Variants in MICAL2 observed in about 807,000 individuals in gnomAD.
MICAL2 encodes microtubule associated monooxygenase, calponin and LIM domain containing 2, also known as [F-actin]-monooxygenase MICAL2.
MICAL2 carries 77 observed loss-of-function variants against 127.3 expected under a neutral mutation model. The observed-to-expected ratio is 0.60, with a 90% CI of 0.50 to 0.73. The LOEUF is 0.73. MICAL2 is among the 30% of genes least tolerant of loss of function. MICAL2 has a pLI of 0.00. For missense variants in MICAL2, 1,351 were observed against 1,434.4 expected (o/e 0.94, Z 0.94); for synonymous variants, 570 against 551.1 (o/e 1.03, Z -0.48).
chr11:12,227,260 T>G, intron 15 of MICAL2, 129 bp downstream of exon 15: 1 of 662,874 alleles, frequency 1.5e-6, no homozygotes, highest in Non-Finnish European at 2.6e-6. Context: ...CGGAAGATGC[T>G]AGTAAAACTC....
At chr11:12,233,712 CATT>C (rs1351529534) in intron 15 of MICAL2, among the ~76,000 whole-genome samples, 2 of 152,100 alleles carry the variant, frequency 1.3e-5, no homozygotes, top group Non-Finnish European at 2.9e-5. Context: ...GAGCTGGAAA[CATT>C]AATGGGAAAA....
intron 29 of MICAL2, among the ~76,000 whole-genome samples, chr11:12,317,930 T>C (rs1864249096): frequency 6.6e-6 from 1 of 152,222 alleles, no homozygotes; most frequent in African/African-American, 2.4e-5. Flanking sequence ...TTCTCCTCAA[T>C]TTCAAAAGAA....
At chr11:12,277,187 G>A (rs1404415766) in intron 1 of MICAL2, among the ~76,000 whole-genome samples, 1 of 152,014 alleles carries the variant, frequency 6.6e-6, no homozygotes, top group Non-Finnish European at 1.5e-5. Flanking sequence ...GTGTCAGCTG[G>A]GGTGACAGAG....
At position 12,168,099 on chromosome 11, in the gene MICAL2, C is replaced by T. The variant is rs142101936; in HGVS notation, c.264+5680C>T. ...GGAGGAATGCTCAGGGCCAGGAGTTCGAAACCAAATTGGGCGACATAGTGA... is the reference window on the plus strand; with the variant it reads ...GGAGGAATGCTCAGGGCCAGGAGTTTGAAACCAAATTGGGCGACATAGTGA... On this transcript the variant is annotated intron_variant, in intron 3 of 27. Coordinates refer to ENST00000683283, the MANE Select transcript of MICAL2 (RefSeq NM_001282663.2). 2.2e-3 allele frequency among the ~76,000 whole-genome samples: 330 copies of T among 151,060 alleles called. 1 individual carries two copies. The highest frequency in any genetic ancestry group is 7.8e-3 in the African/African-American group (321 of 41,204).
intron 2 of MICAL2, among the ~76,000 whole-genome samples, chr11:12,141,224 G>A (rs56298816): frequency 0.05 from 7,669 of 152,270 alleles, 397 homozygotes; most frequent in African/African-American, 0.13. Context: ...AGAGAGCCAT[G>A]TTCTAGTGTT....
intron 15 of MICAL2, among the ~76,000 whole-genome samples, chr11:12,227,948 G>A (rs116902828): frequency 0.027 from 4,067 of 152,316 alleles, 86 homozygotes; most frequent in Middle Eastern, 0.054. Flanking sequence ...ACATGCCTAA[G>A]GAGCAGTGAC....
intron 16 of MICAL2, 117 bp from the exon 17 acceptor site, chr11:12,239,319 G>A: frequency 7.1e-7 from 1 of 1,407,400 alleles, no homozygotes; most frequent in South Asian, 1.2e-5. Flanking sequence ...CCCTTCCTCA[G>A]ACCATGGAGG....
intron 3 of MICAL2, among the ~76,000 whole-genome samples, chr11:12,167,501 G>C (rs1855655905): frequency 6.6e-6 from 1 of 152,156 alleles, no homozygotes; most frequent in South Asian, 2.1e-4. Flanking sequence ...CGGGAGCAAA[G>C]ACTGCTACCC....
At chr11:12,214,065 G>A (rs745653125) in intron 7 of MICAL2, among the ~76,000 whole-genome samples, 16 of 152,076 alleles carry the variant, frequency 1.1e-4, no homozygotes, top group East Asian at 3.8e-4. Flanking sequence ...AACAAAATCC[G>A]TCCCTCCTGG....
At chr11:12,179,928 C>T (rs1688312914) in intron 3 of MICAL2, among the ~76,000 whole-genome samples, 1 of 152,236 alleles carries the variant, frequency 6.6e-6, no homozygotes, top group Admixed American at 6.5e-5. Flanking sequence ...CAGCCCCTTC[C>T]CTTTAAGCAG....
intron 26 of MICAL2, 129 bp downstream of exon 26, chr11:12,260,026 T>C (rs1185980865): frequency 6.5e-7 from 1 of 1,547,238 alleles, no homozygotes; most frequent in Admixed American, 2.0e-5. Context: ...TTACAACTAC[T>C]GCTACATGTA....
At chr11:12,139,484 GGGCGGAGGCTCC>G (rs1342626107) in intron 2 of MICAL2, among the ~76,000 whole-genome samples, 1 of 152,200 alleles carries the variant, frequency 6.6e-6, no homozygotes, top group Non-Finnish European at 1.5e-5. Flanking sequence ...GCTGGGGCAT[GGGCGGAGGCTCC>G]GGCGGAGGGG....
chr11:12,329,625 C>T (rs1388035012), intron 32 of MICAL2, among the ~76,000 whole-genome samples: 1 of 151,928 alleles, frequency 6.6e-6, no homozygotes, highest in African/African-American at 2.4e-5. Context: ...GATAATAATC[C>T]CCATATTATC....
At chr11:12,309,311 A>G (rs1485188723) in intron 29 of MICAL2, among the ~76,000 whole-genome samples, 2 of 152,124 alleles carry the variant, frequency 1.3e-5, no homozygotes, top group Non-Finnish European at 2.9e-5. Flanking sequence ...TGTACCCATT[A>G]CCCAGCTTCC....
intron 1 of MICAL2, among the ~76,000 whole-genome samples, chr11:12,129,803 G>A (rs1297145455): frequency 1.3e-5 from 2 of 151,836 alleles, no homozygotes; most frequent in East Asian, 3.9e-4. Context: ...AACCTCCTGG[G>A]CCCAGATGAT....
At chr11:12,262,607 C>A in intron 27 of MICAL2, 70 bp downstream of exon 27, 1 of 1,295,488 alleles carries the variant, frequency 7.7e-7, no homozygotes, top group Non-Finnish European at 1.1e-6. Context: ...ACCCCGTCCT[C>A]TCCGCCAGCA....
intron 29 of MICAL2, among the ~76,000 whole-genome samples, chr11:12,312,635 A>T (rs1864187151): frequency 6.6e-6 from 1 of 152,202 alleles, no homozygotes; most frequent in Admixed American, 6.5e-5. Flanking sequence ...TTTTTGTGAC[A>T]TGGGAGTCTT....
intron 6 of MICAL2, among the ~76,000 whole-genome samples, chr11:12,212,180 C>T (rs997182477): frequency 6.6e-6 from 1 of 152,180 alleles, no homozygotes; most frequent in Non-Finnish European, 1.5e-5. Context: ...CTGTCAGGTG[C>T]GTTTACCCTG....
At position 12,351,940 on chromosome 11, in the gene MICAL2, A is replaced by G. The variant is rs189625649; in HGVS notation, c.5615+2003A>G. Among the ~76,000 whole-genome samples, 81 of 152,014 alleles carry G rather than the reference A, an allele frequency of 5.3e-4. 2 individuals are homozygous for G. In the South Asian group the frequency reaches 0.013, roughly 25 times the overall value. Reference sequence around the variant, plus strand: ...CAAGAAGCTGGGACTACAGGTGCACACCACACCCAGCTAATTTTTGTATTT... The same window carrying G: ...CAAGAAGCTGGGACTACAGGTGCACGCCACACCCAGCTAATTTTTGTATTT... On this transcript the variant is annotated intron_variant, in intron 33 of 34. Coordinates refer to the MICAL2 transcript ENST00000646065.
Sources: gnomAD v4.1 joint callset for allele counts (sites outside exome capture counted in the v4.1 genomes callset) on GRCh38, gnomAD v4.1.1 for gene constraint, MANE v1.5 for transcripts, NCBI Gene and HGNC (gene_info 2026-07-23, HGNC 2026-07-21) for gene names.